The following STARD13 variants were observed in gnomAD, a reference collection of about 807,000 sequenced individuals.
The protein encoded by STARD13 is stAR-related lipid transfer protein 13.
STARD13 carries 62 observed loss-of-function variants against 106.4 expected under a neutral mutation model. The ratio of observed to expected loss-of-function variants is 0.58; its 90% CI spans 0.48 to 0.72. The LOEUF is 0.72. Among genes scored for constraint, STARD13 ranks in the 30% least tolerant of loss-of-function variants. The pLI is 0.00. For synonymous variants in STARD13, 565 were observed against 553.0 expected, an observed-to-expected ratio of 1.02 and a Z score of -0.31; for missense variants, 1,387 against 1,424.0, an observed-to-expected ratio of 0.97 and a Z score of 0.42.
At chr13:33,357,195 C>A in the STARD13 span, among the ~76,000 whole-genome samples, 1 of 152,240 alleles carries the variant, frequency 6.6e-6, no homozygotes, top group Non-Finnish European at 1.5e-5. Context: ...TGTGCTCCAA[C>A]TGCTGACATA....
At chr13:33,458,741 A>C in the STARD13 span, among the ~76,000 whole-genome samples, 9 of 151,828 alleles carry the variant, frequency 5.9e-5, no homozygotes, top group African/African-American at 2.2e-4. Context: ...GCTACTGACA[A>C]ATGTGTCCGG....
chr13:33,447,834 A>G, the STARD13 span, among the ~76,000 whole-genome samples: 17 of 152,180 alleles, frequency 1.1e-4, no homozygotes, highest in African/African-American at 4.1e-4. Context: ...GAATTCTTTA[A>G]TTCTGAAAAT....
the STARD13 span, among the ~76,000 whole-genome samples, chr13:33,625,246 T>C: frequency 6.6e-6 from 1 of 152,304 alleles, no homozygotes; most frequent in East Asian, 1.9e-4. Context: ...CAGCCTGTCC[T>C]GAACGAGAAG....
In STARD13 at chr13:33,118,239, C is replaced by T. The variant is rs146135725; in HGVS notation, c.2107G>A (p.Val703Met). The change falls in exon 8 of 14, where the codon GTG becomes ATG. Residue 703 changes from valine (V) to methionine (M), a missense_variant. Val to Met is a conservative substitution (Grantham distance 21). Coordinates refer to ENST00000336934, the MANE Select transcript of STARD13 (RefSeq NM_178006.4). ...DQVGLFRKSGVKSRIHALRQM... is the reference protein window; with the variant it reads ...DQVGLFRKSGMKSRIHALRQM... ...CGAAGGGCATGGATTCGAGACTTCA[C>T]TCCTGATTTGCGAAAAAGACCCACC... 9.1e-5 allele frequency: 147 copies of T among 1,614,168 alleles called. No individual in the cohort carries two copies. The African/African-American group carries it at 1.9e-3, about 20-fold the overall frequency.
At chr13:33,487,976 C>A in the STARD13 span, among the ~76,000 whole-genome samples, 236 of 152,266 alleles carry the variant, frequency 1.5e-3, no homozygotes, top group African/African-American at 5.3e-3. Flanking sequence ...TCTTCCAGGG[C>A]AGCTTCAAAG....
the STARD13 span, among the ~76,000 whole-genome samples, chr13:33,418,583 C>T: frequency 3.3e-5 from 5 of 152,228 alleles, no homozygotes; most frequent in Non-Finnish European, 7.3e-5. Context: ...CTGAAGAGAG[C>T]AGTGGTTCTC....
chr13:33,519,254 TTCTTTCTTTCTTTCTTTCTTTTCTTTC>T, the STARD13 span, among the ~76,000 whole-genome samples: 41 of 150,838 alleles, frequency 2.7e-4, no homozygotes, highest in African/African-American at 8.8e-4. Flanking sequence ...CTTTCTTTCT[TTCTTTCTTTCTTTCTTTCTTTTCTTTC>T]TCTTTCTTTC....
chr13:33,597,906 A>C, the STARD13 span, among the ~76,000 whole-genome samples: 2 of 152,282 alleles, frequency 1.3e-5, no homozygotes, highest in African/African-American at 2.4e-5. Flanking sequence ...ACATCTAATT[A>C]GGCAGAAGTT....
In STARD13 at chr13:33,335,768, A is replaced by G. The variant is rs1480754990; in HGVS notation, c.124+14522T>C. On this transcript the variant is annotated intron_variant, in intron 1 of 5. Transcript: ENST00000567873. ...GGGCTGCATTGTCACTGAAGAGGCA[A>G]CTTTTTCTAATTCATCATCCCAGAG... Among the ~76,000 whole-genome samples the G allele has an allele frequency of 3.3e-5, 5 of 152,260 alleles. No homozygotes were observed. The East Asian group carries it at 9.6e-4, about 29-fold the overall frequency.
At chr13:33,434,958 A>G in the STARD13 span, among the ~76,000 whole-genome samples, 1 of 150,622 alleles carries the variant, frequency 6.6e-6, no homozygotes, top group Non-Finnish European at 1.5e-5. Flanking sequence ...ATAAGTTCTG[A>G]CAAGTGCTCT....
chr13:33,634,678 G>A, the STARD13 span, among the ~76,000 whole-genome samples: 15 of 152,126 alleles, frequency 9.9e-5, no homozygotes, highest in South Asian at 4.2e-4. Flanking sequence ...TTACTGTTGC[G>A]TTTTGATAAA....
chr13:33,285,864 G>C (rs1892036169), upstream of STARD13: 1 of 1,060,700 alleles, frequency 9.4e-7, no homozygotes, highest in Non-Finnish European at 1.3e-6. Flanking sequence ...AACGTTTGCA[G>C]TCAGCCCTAA....
chr13:33,579,947 C>T, the STARD13 span, among the ~76,000 whole-genome samples: 1 of 152,214 alleles, frequency 6.6e-6, no homozygotes, highest in South Asian at 2.1e-4. Flanking sequence ...CAAGTGGTCT[C>T]ATTCATTGCT....
At chr13:33,655,224 C>T in the STARD13 span, among the ~76,000 whole-genome samples, 1 of 152,154 alleles carries the variant, frequency 6.6e-6, no homozygotes, top group Non-Finnish European at 1.5e-5. Context: ...GCATAAACAA[C>T]AATAATAAAC....
chr13:33,637,092 C>T, the STARD13 span, among the ~76,000 whole-genome samples: 1 of 152,176 alleles, frequency 6.6e-6, no homozygotes, highest in Admixed American at 6.5e-5. Context: ...GTGCCAGACA[C>T]TATAATTTCA....
At chr13:33,431,709 T>C in the STARD13 span, among the ~76,000 whole-genome samples, 54 of 152,200 alleles carry the variant, frequency 3.5e-4, no homozygotes, top group Non-Finnish European at 6.5e-4. Flanking sequence ...TAACCTCAGT[T>C]TCTGTAAAAT....
chr13:33,350,507 C>T (rs898500660), exon 1 of STARD13: 32 of 1,453,254 alleles, frequency 2.2e-5, no homozygotes, highest in African/African-American at 2.9e-5. Flanking sequence ...AGGACGGACG[C>T]GGCACTCCCG....
chr13:33,170,963 A>G (rs1259119197), intron 1 of STARD13, among the ~76,000 whole-genome samples: 1 of 152,200 alleles, frequency 6.6e-6, no homozygotes. Context: ...AATACCAATC[A>G]GCCAAATACT....
At chr13:33,107,776 G>T (rs1208704533) in intron 12 of STARD13, among the ~76,000 whole-genome samples, 1 of 152,010 alleles carries the variant, frequency 6.6e-6, no homozygotes, top group African/African-American at 2.4e-5. Context: ...TTGAAAAAAG[G>T]TTGTGGATGG....
Sources: gnomAD v4.1 joint callset for allele counts (sites outside exome capture counted in the v4.1 genomes callset) on GRCh38, gnomAD v4.1.1 for gene constraint, MANE v1.5 for transcripts, NCBI Gene and HGNC (gene_info 2026-07-23, HGNC 2026-07-21) for gene names.